Variants in NTM observed in about 807,000 individuals in gnomAD.
NTM encodes the protein IgLON family member 2.
A neutral mutation model predicts 42.1 loss-of-function variants in NTM; 13 were observed. That is an observed-to-expected ratio of 0.31 (90% CI 0.20 to 0.49). The LOEUF (loss-of-function observed/expected upper bound fraction) is 0.49, where lower values mean the gene tolerates loss of function less well. Among genes scored for constraint, NTM ranks in the 20% least tolerant of loss-of-function variants. The probability of loss-of-function intolerance (pLI) is 0.99; values close to 1 mark genes in which losing one functional copy is unlikely to be tolerated. For synonymous variants in NTM, 187 were observed against 179.2 expected, an observed-to-expected ratio of 1.04 and a Z score of -0.35; for missense variants, 373 against 452.8, an observed-to-expected ratio of 0.82 and a Z score of 1.60.
At chr11:132,046,595 T>G (rs1232056323) in intron 2 of NTM, among the ~76,000 whole-genome samples, 2 of 152,130 alleles carry the variant, frequency 1.3e-5, no homozygotes, top group Non-Finnish European at 2.9e-5. Context: ...TTTGACAGTG[T>G]CAGGCTTTCA....
chr11:131,560,552 T>C (rs2136994043), intron 1 of NTM, among the ~76,000 whole-genome samples: 1 of 152,324 alleles, frequency 6.6e-6, no homozygotes, highest in East Asian at 1.9e-4. Context: ...CCAGAAGTGA[T>C]TGGCTTCCTA....
At chr11:131,973,598 C>A (rs1398773384) in intron 2 of NTM, among the ~76,000 whole-genome samples, 2 of 152,180 alleles carry the variant, frequency 1.3e-5, no homozygotes, top group Non-Finnish European at 2.9e-5. Context: ...GGGCAGATCA[C>A]CTGAGGTCAG....
chr11:131,632,449 T>C (rs951388508), intron 1 of NTM, among the ~76,000 whole-genome samples: 1 of 152,164 alleles, frequency 6.6e-6, no homozygotes, highest in Non-Finnish European at 1.5e-5. Context: ...TTGTTTTATA[T>C]TTACACCCAT....
At chr11:132,230,379 T>A (rs1260127736) in intron 4 of NTM, among the ~76,000 whole-genome samples, 2 of 152,096 alleles carry the variant, frequency 1.3e-5, no homozygotes, top group Non-Finnish European at 2.9e-5. Context: ...ATAGGGAAAG[T>A]GAGGTGCAGA....
chr11:132,198,280 A>G (rs2080600918), intron 3 of NTM, among the ~76,000 whole-genome samples: 1 of 150,882 alleles, frequency 6.6e-6, no homozygotes, highest in Non-Finnish European at 1.5e-5. Flanking sequence ...GTCTTGGCTC[A>G]CTGCAGCCTC....
At position 132,003,248 on chromosome 11, in the gene NTM, T is replaced by TG. The variant is rs1018748708; in HGVS notation, c.167+91600_167+91601insG. Reference sequence around the variant, plus strand: ...GATTCCTCCACCCACACCCTTAGAGTTTTTTTTTCTTTTTTTTTTTTGACA... The same window carrying TG: ...GATTCCTCCACCCACACCCTTAGAGTGTTTTTTTTCTTTTTTTTTTTTGACA... On this transcript the variant is annotated intron_variant, in intron 2 of 8. Transcript: ENST00000683400. This position sits in a 1 kb window ranked among gnomAD's most constrained non-coding sequence, Gnocchi z 6.0. Among the ~76,000 whole-genome samples the TG allele has an allele frequency of 7.5e-4, 27 of 35,866 alleles. No homozygotes were observed. The highest frequency in any genetic ancestry group is 4.5e-3 in the African/African-American group (25 of 5,596). 23.5% of individuals were successfully genotyped at this position (35,866 alleles called of 152,430 possible).
At chr11:131,372,816 T>A (rs571716632) in intron 1 of NTM, among the ~76,000 whole-genome samples, 1 of 151,912 alleles carries the variant, frequency 6.6e-6, no homozygotes, top group African/African-American at 2.4e-5. Context: ...TCAGAATAAA[T>A]GCAGGGAAGC....
intron 2 of NTM, among the ~76,000 whole-genome samples, chr11:132,035,044 A>T (rs2076348569): frequency 6.6e-6 from 1 of 152,236 alleles, no homozygotes; most frequent in East Asian, 1.9e-4. Flanking sequence ...ATTAACAAAA[A>T]ATAATCTGTT....
chr11:131,903,728 C>T (rs1466631511), intron 1 of NTM, among the ~76,000 whole-genome samples: 3 of 152,204 alleles, frequency 2.0e-5, no homozygotes, highest in African/African-American at 7.2e-5. Flanking sequence ...CTCATCCAAA[C>T]TCCTCATTTA....
At chr11:132,155,338 A>T (rs149662589) in intron 3 of NTM, among the ~76,000 whole-genome samples, 177 of 152,302 alleles carry the variant, frequency 1.2e-3, no homozygotes, top group African/African-American at 4.1e-3. Flanking sequence ...GAAGCAGAAG[A>T]GCACCCCTCA....
intron 2 of NTM, among the ~76,000 whole-genome samples, chr11:132,070,335 G>A (rs534006681): frequency 7.3e-6 from 1 of 137,430 alleles, no homozygotes; most frequent in South Asian, 2.6e-4. Flanking sequence ...TAGTTTACAC[G>A]TCACACAGCC....
intron 1 of NTM, chr11:131,539,285 A>G (rs1432064902): frequency 1.3e-5 from 2 of 152,236 alleles, no homozygotes; most frequent in Non-Finnish European, 2.9e-5. Flanking sequence ...TTCTGGAAGA[A>G]TTTCAGCCAA....
At chr11:132,248,397 T>A (rs1011749826) in intron 4 of NTM, among the ~76,000 whole-genome samples, 1 of 146,634 alleles carries the variant, frequency 6.8e-6, no homozygotes, top group Non-Finnish European at 1.5e-5. Context: ...CCCTTGAGGT[T>A]TTTTTTTTCT....
intron 1 of NTM, among the ~76,000 whole-genome samples, chr11:131,861,392 C>A (rs1291304060): frequency 6.6e-6 from 1 of 152,128 alleles, no homozygotes; most frequent in Non-Finnish European, 1.5e-5. Flanking sequence ...CCCTGGGATT[C>A]ATTTCTCTCT....
At chr11:131,737,064 G>T (rs1388518497) in intron 1 of NTM, among the ~76,000 whole-genome samples, 2 of 152,190 alleles carry the variant, frequency 1.3e-5, no homozygotes, top group African/African-American at 4.8e-5. Flanking sequence ...TTAGCACGCT[G>T]CTACTTCTGG....
chr11:131,502,274 CGA>C (rs1491158026), intron 1 of NTM, among the ~76,000 whole-genome samples: 1 of 151,752 alleles, frequency 6.6e-6, no homozygotes, highest in Middle Eastern at 3.4e-3. Context: ...GAAGGAGCCT[CGA>C]GAGAGAGAGA....
intron 1 of NTM, among the ~76,000 whole-genome samples, chr11:131,822,178 G>C (rs1286552404): frequency 6.6e-6 from 1 of 151,990 alleles, no homozygotes; most frequent in Non-Finnish European, 1.5e-5. Flanking sequence ...TCGTCACCCC[G>C]TTTAATTACC....
intron 1 of NTM, among the ~76,000 whole-genome samples, chr11:131,601,588 CT>C (rs1214003197): frequency 2.2e-3 from 311 of 143,812 alleles, no homozygotes; most frequent in Non-Finnish European, 1.7e-3. Flanking sequence ...CTTCCCTCTC[CT>C]TTTTTTTTTT....
chr11:131,681,573 A>G lies in NTM; in HGVS notation c.83-229991A>G, dbSNP rs539661769. On this transcript the variant is annotated intron_variant, in intron 1 of 8. Coordinates refer to ENST00000683400, the MANE Select transcript of NTM (RefSeq NM_001352005.2). The stretch of plus-strand genomic sequence containing the variant: ...CGTGTGTATTTCTGTGTCTGTGTGT[A>G]TGTCTCCCTGTGTATGTGAGCTTGT... Among the ~76,000 whole-genome samples, 17 of 29,660 alleles carry G rather than the reference A, an allele frequency of 5.7e-4. 4 individuals are homozygous for G. Among genetic ancestry groups the G allele is most frequent in the African/African-American group, 1.1e-3 (15 of 13,058 alleles). The allele number at this position is 29,660 out of a possible 152,430, so 19.5% of individuals were successfully genotyped here. A position where few individuals can be genotyped will look rare whatever the true frequency, so the allele number is the denominator to read the frequency against.
Sources: gnomAD v4.1 joint callset for allele counts (sites outside exome capture counted in the v4.1 genomes callset) on GRCh38, gnomAD v4.1.1 for gene constraint, Gnocchi (gnomAD v3.1) non-coding constraint, MANE v1.5 for transcripts, NCBI Gene and HGNC (gene_info 2026-07-23, HGNC 2026-07-21) for gene names.